The following FBXO34 variants were observed in gnomAD, a reference collection of about 807,000 sequenced individuals.
FBXO34 encodes F-box only protein 34.
Under a neutral mutation model 24.5 loss-of-function variants are expected in FBXO34, and 12 were observed. The ratio of observed to expected loss-of-function variants is 0.49; its 90% CI spans 0.31 to 0.79. FBXO34 has a LOEUF of 0.79. Ranked by LOEUF, FBXO34 falls within the 30% of genes least tolerant of loss-of-function variation. FBXO34 has a pLI of 0.04. For synonymous variants in FBXO34, 320 were observed against 311.9 expected (o/e 1.03, Z -0.27); for missense variants, 823 against 857.7 (o/e 0.96, Z 0.51).
chr14:55,420,003 C>T, the FBXO34 span, among the ~76,000 whole-genome samples: 2 of 152,206 alleles, frequency 1.3e-5, no homozygotes, highest in Non-Finnish European at 2.9e-5. Context: ...AGGGAGGAGC[C>T]TGAAAGGAGA....
intron 1 of FBXO34, among the ~76,000 whole-genome samples, chr14:55,280,228 G>A (rs1215791423): frequency 6.6e-6 from 1 of 152,148 alleles, no homozygotes; most frequent in Non-Finnish European, 1.5e-5. Context: ...GGGAATGGGA[G>A]AACCAGAAAA....
At chr14:55,402,818 A>G in the FBXO34 span, among the ~76,000 whole-genome samples, 1 of 133,570 alleles carries the variant, frequency 7.5e-6, no homozygotes, top group African/African-American at 2.8e-5. Context: ...TCAACACTTT[A>G]GGGAGCCTGA....
At chr14:55,387,099 G>A in the FBXO34 span, among the ~76,000 whole-genome samples, 1 of 151,854 alleles carries the variant, frequency 6.6e-6, no homozygotes, top group South Asian at 2.1e-4. Flanking sequence ...TCTCCAACAC[G>A]GCTCGACTCC....
intron 3 of FBXO34, among the ~76,000 whole-genome samples, chr14:55,359,613 G>C (rs1884566776): frequency 6.6e-6 from 1 of 152,182 alleles, no homozygotes; most frequent in Admixed American, 6.5e-5. Flanking sequence ...GCAGAAGGTT[G>C]GGTGGCTATG....
At chr14:55,438,669 A>C in the FBXO34 span, 1 of 152,202 alleles carries the variant, frequency 6.6e-6, no homozygotes, top group East Asian at 1.9e-4. Flanking sequence ...ATGGTAATGG[A>C]AACTTGACCG....
the FBXO34 span, chr14:55,411,524 C>T: frequency 7.1e-7 from 1 of 1,403,346 alleles, no homozygotes; most frequent in African/African-American, 1.4e-5. Context: ...GGACGGGGAG[C>T]CCCAGGTTCC....
At chr14:55,299,431 G>A (rs1346607991) in intron 1 of FBXO34, among the ~76,000 whole-genome samples, 1 of 151,994 alleles carries the variant, frequency 6.6e-6, no homozygotes, top group African/African-American at 2.4e-5. Flanking sequence ...CGGGGGCTGT[G>A]GGGGAGAAGT....
chr14:55,405,628 T>G, the FBXO34 span, among the ~76,000 whole-genome samples: 12 of 152,276 alleles, frequency 7.9e-5, no homozygotes, highest in Non-Finnish European at 7.4e-5. Flanking sequence ...CTGTTGTGAG[T>G]GGAAAGATTA....
At chr14:55,365,195 A>AGT (rs1487286546), downstream of FBXO34, among the ~76,000 whole-genome samples, 4 of 146,914 alleles carry the variant, frequency 2.7e-5, no homozygotes, top group African/African-American at 1.0e-4. Context: ...TGGGCAACAA[A>AGT]GTGAGACTCT....
chr14:55,284,513 C>CAAAA (rs777112072), intron 1 of FBXO34, among the ~76,000 whole-genome samples: 3 of 84,154 alleles, frequency 3.6e-5, no homozygotes, highest in African/African-American at 1.3e-4. Flanking sequence ...CCTCTGTCTC[C>CAAAA]AAAAAAAAAA....
At chr14:55,400,945 A>C in the FBXO34 span, among the ~76,000 whole-genome samples, 1 of 151,546 alleles carries the variant, frequency 6.6e-6, no homozygotes, top group African/African-American at 2.4e-5. Context: ...AAATAAAATA[A>C]AATAAAATAA....
At chr14:55,274,354 A>G (rs750133352) in intron 1 of FBXO34, among the ~76,000 whole-genome samples, 1 of 152,192 alleles carries the variant, frequency 6.6e-6, no homozygotes, top group Non-Finnish European at 1.5e-5. Context: ...GTGTTGTGTA[A>G]TTATCTAACA....
At position 55,350,545 on chromosome 14, in the gene FBXO34, C is replaced by T. The variant is rs1324672249; in HGVS notation, c.155C>T (p.Ser52Phe). ...ACATCAAGTGTCTTTCCTTCAGCCT[C>T]TCTCGGTAAAGCATCATCTCGAAAG... Reference protein sequence around the residue: ...HITSSVFPSASLGKASSRKPF... With the variant: ...HITSSVFPSAFLGKASSRKPF... Residue 52 changes from serine to phenylalanine, a missense_variant, in exon 2 of 2, where the codon TCT (serine) becomes TTT (phenylalanine). Around this residue, in one of 2 missense-constraint regions of FBXO34, gnomAD observed 693 missense variants for 659.1 expected, o/e 1.05. Coordinates refer to ENST00000313833, the MANE Select transcript of FBXO34 (RefSeq NM_017943.4). The T allele has an allele frequency of 6.2e-7, 1 of 1,613,620 alleles. No homozygotes were observed. Among genetic ancestry groups the T allele is most frequent in the Admixed American group, 1.7e-5 (1 of 59,814 alleles).
chr14:55,272,301 TTAATG>T (rs1469283569), intron 1 of FBXO34: 1 of 152,278 alleles, frequency 6.6e-6, no homozygotes, highest in Admixed American at 6.5e-5. Flanking sequence ...TTTTGCAATT[TTAATG>T]TAATAGTTGT....
intron 1 of FBXO34, among the ~76,000 whole-genome samples, chr14:55,286,413 T>C (rs1881762381): frequency 6.6e-6 from 1 of 151,992 alleles, no homozygotes; most frequent in African/African-American, 2.4e-5. Context: ...GTAGATATCT[T>C]GAAATAATGC....
At chr14:55,380,779 A>T in the FBXO34 span, 1 of 818,902 alleles carries the variant, frequency 1.2e-6, no homozygotes, top group African/African-American at 1.7e-5. Context: ...TGATTTTATC[A>T]TGATAGCACT....
At chr14:55,386,888 A>C in the FBXO34 span, among the ~76,000 whole-genome samples, 2 of 152,186 alleles carry the variant, frequency 1.3e-5, no homozygotes, top group Admixed American at 1.3e-4. Flanking sequence ...AGGCAACTTA[A>C]ACCCAAGTTC....
intron 1 of FBXO34, among the ~76,000 whole-genome samples, chr14:55,324,312 A>G (rs2140031799): frequency 6.6e-6 from 1 of 152,260 alleles, no homozygotes; most frequent in South Asian, 2.1e-4. Context: ...GTATACTTGT[A>G]CCACAGTTTG....
In FBXO34 at chr14:55,350,437, C is replaced by T. The variant is rs775235375; in HGVS notation, c.47C>T (p.Pro16Leu). Residue 16 changes from proline to leucine, a missense_variant, in exon 2 of 2, where the codon CCG (proline) becomes CTG (leucine). By Grantham distance (98) the Pro-to-Leu change is moderately conservative. This residue lies in a region of FBXO34 where 693 missense variants were observed against 659.1 expected (regional missense o/e 1.05). Transcript: ENST00000313833. Reference sequence around the variant, plus strand: ...AAGCTCCAGAAGAAAGAGCACCCCCCGGAAGTCAGCAGGGAAACGCAGAGA... The same window carrying T: ...AAGCTCCAGAAGAAAGAGCACCCCCTGGAAGTCAGCAGGGAAACGCAGAGA... The part of the protein sequence containing the change: ...YWKLQKKEHP[P>L]EVSRETQRTP... The T allele has an allele frequency of 2.1e-5, 34 of 1,606,946 alleles. No individual in the cohort carries two copies. Among genetic ancestry groups the T allele is most frequent in the Admixed American group, 8.6e-5 (5 of 58,180 alleles).
Sources: gnomAD v4.1 joint callset for allele counts (sites outside exome capture counted in the v4.1 genomes callset) on GRCh38, gnomAD v4.1.1 for gene constraint, gnomAD v4.1.1 regional missense constraint, MANE v1.5 for transcripts, NCBI Gene and HGNC (gene_info 2026-07-23, HGNC 2026-07-21) for gene names.